KCNIP4: variants seen among roughly 807,000 people sequenced by gnomAD.
KCNIP4 encodes potassium voltage-gated channel interacting protein 4, also known as Kv channel-interacting protein 4.
Under a neutral mutation model 34.0 loss-of-function variants are expected in KCNIP4, and 12 were observed. The observed-to-expected ratio is 0.35, with a 90% CI of 0.23 to 0.57. KCNIP4 has a LOEUF of 0.57. KCNIP4 is among the 20% of genes least tolerant of loss of function. The pLI is 0.83. For synonymous variants in KCNIP4, 124 were observed against 102.2 expected (o/e 1.21, Z -1.29); for missense variants, 238 against 311.7 (o/e 0.76, Z 1.78).
chr4:21,666,851 T>C (rs149727673), intron 1 of KCNIP4, among the ~76,000 whole-genome samples: 7 of 152,198 alleles, frequency 4.6e-5, no homozygotes, highest in African/African-American at 7.2e-5. Flanking sequence ...GAGAGCCACA[T>C]TGAATGGGTT....
At chr4:21,325,208 G>A (rs1714912363) in intron 1 of KCNIP4, among the ~76,000 whole-genome samples, 1 of 151,758 alleles carries the variant, frequency 6.6e-6, no homozygotes, top group African/African-American at 2.4e-5. Flanking sequence ...GTTTGATAGA[G>A]TTCAGCAGCG....
intron 1 of KCNIP4, among the ~76,000 whole-genome samples, chr4:21,923,589 TAAATA>T (rs1372732066): frequency 4.6e-5 from 7 of 151,944 alleles, no homozygotes. Flanking sequence ...CCTAAATAAA[TAAATA>T]AAATAAAATA....
chr4:20,753,954 A>G (rs377295086), intron 4 of KCNIP4, among the ~76,000 whole-genome samples: 2 of 151,964 alleles, frequency 1.3e-5, no homozygotes, highest in East Asian at 3.9e-4. Flanking sequence ...TGTTTATTAT[A>G]TGCCTAGTGT....
chr4:21,822,728 T>TA (rs1722431327), intron 1 of KCNIP4, among the ~76,000 whole-genome samples: 1 of 151,404 alleles, frequency 6.6e-6, no homozygotes, highest in South Asian at 2.1e-4. Context: ...CCTTTTTTTT[T>TA]TTTTTTTGAG....
chr4:21,448,689 C>G (rs1357110432), intron 1 of KCNIP4, among the ~76,000 whole-genome samples: 1 of 152,102 alleles, frequency 6.6e-6, no homozygotes, highest in Non-Finnish European at 1.5e-5. Flanking sequence ...GTGCTCTGGA[C>G]AGAAGGCCAA....
intron 1 of KCNIP4, among the ~76,000 whole-genome samples, chr4:21,195,511 CTG>C (rs1429280710): frequency 6.6e-6 from 1 of 152,160 alleles, no homozygotes; most frequent in Non-Finnish European, 1.5e-5. Context: ...CTCAGATGCA[CTG>C]TGCATTAATT....
At chr4:21,239,536 A>C (rs983616469) in intron 1 of KCNIP4, among the ~76,000 whole-genome samples, 44 of 152,320 alleles carry the variant, frequency 2.9e-4, no homozygotes, top group African/African-American at 1.0e-3. Flanking sequence ...CAAGAAAAAA[A>C]CAAACAACCC....
rs137945491 is a variant in KCNIP4, at chr4:20,977,774, A to C, written c.62-95065T>G. Among the ~76,000 whole-genome samples, 914 of 152,306 alleles carry C rather than the reference A, an allele frequency of 6.0e-3. 12 individuals carry two copies. Among genetic ancestry groups the C allele is most frequent in the African/African-American group, 0.021 (866 of 41,558 alleles). On this transcript the variant is annotated intron_variant, in intron 1 of 8. Coordinates refer to ENST00000382152, the MANE Select transcript of KCNIP4 (RefSeq NM_025221.6). Reference sequence around the variant, plus strand: ...TTTCTGCTTTTAGTTTCTAGTCTCTACCTGTCAAAGTTTTGGATCTCTCAA... The same window carrying C: ...TTTCTGCTTTTAGTTTCTAGTCTCTCCCTGTCAAAGTTTTGGATCTCTCAA...
At chr4:21,050,577 C>A (rs567119623) in intron 1 of KCNIP4, among the ~76,000 whole-genome samples, 1 of 152,142 alleles carries the variant, frequency 6.6e-6, no homozygotes, top group Non-Finnish European at 1.5e-5. Context: ...TCTTACAAAC[C>A]AAAGGAAACA....
chr4:21,579,330 G>A (rs1053280951), intron 1 of KCNIP4, among the ~76,000 whole-genome samples: 6 of 152,136 alleles, frequency 3.9e-5, no homozygotes, highest in African/African-American at 1.4e-4. Flanking sequence ...TAAAACTACT[G>A]TGGGGAAAAG....
intron 1 of KCNIP4, among the ~76,000 whole-genome samples, chr4:21,337,102 G>A (rs1436306124): frequency 6.8e-6 from 1 of 146,572 alleles, no homozygotes; most frequent in Non-Finnish European, 1.5e-5. Flanking sequence ...CAAGGATAGG[G>A]AAAGGGGCAA....
chr4:21,391,550 A>G (rs541648538), intron 1 of KCNIP4, among the ~76,000 whole-genome samples: 1 of 152,246 alleles, frequency 6.6e-6, no homozygotes, highest in East Asian at 1.9e-4. Context: ...AACGTGGAGA[A>G]TAAAATTCAC....
intron 1 of KCNIP4, among the ~76,000 whole-genome samples, chr4:21,358,277 C>A (rs920940176): frequency 2.0e-5 from 3 of 151,936 alleles, no homozygotes; most frequent in African/African-American, 7.3e-5. Context: ...ATGTAACAAA[C>A]CTGCACATTG....
chr4:21,015,315 CAGAG>C (rs1165901107), intron 1 of KCNIP4, among the ~76,000 whole-genome samples: 2 of 147,498 alleles, frequency 1.4e-5, no homozygotes, highest in African/African-American at 5.0e-5. Context: ...AATGGAGAGA[CAGAG>C]AGAGAGGTAG....
At chr4:21,869,368 AC>A (rs2109363110) in intron 1 of KCNIP4, among the ~76,000 whole-genome samples, 1 of 152,184 alleles carries the variant, frequency 6.6e-6, no homozygotes, top group Admixed American at 6.5e-5. Context: ...TGAGAATGAC[AC>A]CTGAGGTAGA....
intron 1 of KCNIP4, among the ~76,000 whole-genome samples, chr4:21,739,069 T>C (rs976209416): frequency 1.3e-5 from 2 of 152,114 alleles, no homozygotes; most frequent in Admixed American, 6.6e-5. Context: ...GAGTGCTGGA[T>C]TGGCCACTAC....
At chr4:20,842,412 T>TCA (rs1719847341) in intron 3 of KCNIP4, among the ~76,000 whole-genome samples, 1 of 151,434 alleles carries the variant, frequency 6.6e-6, no homozygotes, top group South Asian at 2.1e-4. Flanking sequence ...GAGTGAGGGG[T>TCA]GAGACGCGAA....
At chr4:21,848,621 T>TA (rs1724170697) in intron 1 of KCNIP4, 1 of 152,140 alleles carries the variant, frequency 6.6e-6, no homozygotes, top group Non-Finnish European at 1.5e-5. Flanking sequence ...TTTTGTTATT[T>TA]AAAAAATCTA....
intron 1 of KCNIP4, among the ~76,000 whole-genome samples, chr4:21,109,038 G>T (rs1416311942): frequency 6.7e-6 from 1 of 149,342 alleles, no homozygotes; most frequent in South Asian, 2.1e-4. Flanking sequence ...TAGGCTGCTC[G>T]GGGGTCAGGG....
Sources: gnomAD v4.1 joint callset for allele counts (sites outside exome capture counted in the v4.1 genomes callset) on GRCh38, gnomAD v4.1.1 for gene constraint, MANE v1.5 for transcripts, NCBI Gene and HGNC (gene_info 2026-07-23, HGNC 2026-07-21) for gene names.